The following GPC5 variants were observed in gnomAD, a reference collection of about 807,000 sequenced individuals.
GPC5 encodes the protein glypican 5.
Under a neutral mutation model 53.9 loss-of-function variants are expected in GPC5, and 47 were observed. The observed-to-expected ratio is 0.87, with a 90% CI of 0.69 to 1.11. GPC5 has a LOEUF of 1.11. Ranked by LOEUF, GPC5 falls within the 50% of genes most tolerant of loss-of-function variation. GPC5 has a pLI of 0.00. For missense variants in GPC5, 748 were observed against 713.1 expected, an observed-to-expected ratio of 1.05 and a Z score of -0.56; for synonymous variants, 286 against 263.3, an observed-to-expected ratio of 1.09 and a Z score of -0.84.
intron 7 of GPC5, among the ~76,000 whole-genome samples, chr13:92,813,662 A>T (rs1327263708): frequency 6.6e-6 from 1 of 152,048 alleles, no homozygotes; most frequent in Admixed American, 6.6e-5. Flanking sequence ...TTTCAATGTT[A>T]TATAAACAGT....
intron 7 of GPC5, among the ~76,000 whole-genome samples, chr13:92,415,169 GACA>G (rs1309645210): frequency 6.6e-6 from 1 of 152,140 alleles, no homozygotes; most frequent in South Asian, 2.1e-4. Context: ...TATGCTCTTT[GACA>G]ACATGTTCAT....
intron 7 of GPC5, among the ~76,000 whole-genome samples, chr13:92,356,173 TTTA>T (rs1407382674): frequency 6.6e-6 from 1 of 152,164 alleles, no homozygotes; most frequent in Non-Finnish European, 1.5e-5. Context: ...TGTTTGTTTA[TTTA>T]TTTCACAAAT....
chr13:92,124,133 T>TA (rs2041673879), intron 6 of GPC5, among the ~76,000 whole-genome samples: 2 of 149,232 alleles, frequency 1.3e-5, no homozygotes, highest in Admixed American at 6.6e-5. Context: ...TGCTTTTCTT[T>TA]TAAAAAAAAA....
chr13:92,230,997 G>A (rs1050428199), intron 7 of GPC5, among the ~76,000 whole-genome samples: 1 of 152,154 alleles, frequency 6.6e-6, no homozygotes, highest in Non-Finnish European at 1.5e-5. Flanking sequence ...TGTCATGGAA[G>A]AGCAAAGCGC....
chr13:91,772,846 A>T (rs2037648828), intron 5 of GPC5, among the ~76,000 whole-genome samples: 1 of 152,134 alleles, frequency 6.6e-6, no homozygotes, highest in Non-Finnish European at 1.5e-5. Flanking sequence ...TGTTTTAAGG[A>T]GCTCTCCAGA....
intron 5 of GPC5, among the ~76,000 whole-genome samples, chr13:91,840,728 A>G (rs1594609495): frequency 6.6e-6 from 1 of 151,408 alleles, no homozygotes; most frequent in Non-Finnish European, 1.5e-5. Context: ...GCACACAATG[A>G]CATAAGTTCC....
intron 7 of GPC5, among the ~76,000 whole-genome samples, chr13:92,425,199 C>G (rs1260997050): frequency 6.6e-6 from 1 of 151,816 alleles, no homozygotes. Flanking sequence ...TGTAAAAGAC[C>G]TTTATTTATA....
intron 7 of GPC5, among the ~76,000 whole-genome samples, chr13:92,567,187 C>T (rs1265500209): frequency 1.3e-5 from 2 of 152,044 alleles, no homozygotes; most frequent in Non-Finnish European, 2.9e-5. Context: ...TTCCCGAGGC[C>T]AAAATTTCCC....
At chr13:92,576,308 A>T (rs68108040) in intron 7 of GPC5, among the ~76,000 whole-genome samples, 14,258 of 152,216 alleles carry the variant, frequency 0.094, 866 homozygotes, top group African/African-American at 0.17. Context: ...GGAAGAGGGC[A>T]TTTGAAGGCA....
chr13:92,851,262 CG>C (rs1189547814), intron 7 of GPC5, among the ~76,000 whole-genome samples: 1 of 152,090 alleles, frequency 6.6e-6, no homozygotes, highest in African/African-American at 2.4e-5. Context: ...GAGATTTGGA[CG>C]GGGACACAGA....
Position 92,100,024 on chromosome 13 carries a change from T to C in GPC5, c.1402-44806T>C, listed in dbSNP as rs764450812. Among the ~76,000 whole-genome samples, 46 of 152,146 alleles carry C rather than the reference T, an allele frequency of 3.0e-4. 1 individual carries two copies. The highest frequency in any genetic ancestry group is 1.2e-4 in the Non-Finnish European group (8 of 68,042). On this transcript the variant is annotated intron_variant, in intron 6 of 7. Transcript: ENST00000377067. ...TGAAATGCCTATGGAGAGAACCATG[T>C]GGCAAGGAACTCTGGCATCCTCTAT...
At chr13:92,176,874 C>G (rs1306951619) in intron 7 of GPC5, among the ~76,000 whole-genome samples, 1 of 152,160 alleles carries the variant, frequency 6.6e-6, no homozygotes, top group Non-Finnish European at 1.5e-5. Flanking sequence ...CTGGATAATT[C>G]AATTCTCCAT....
intron 2 of GPC5, among the ~76,000 whole-genome samples, chr13:91,524,139 A>G (rs1008342906): frequency 6.6e-6 from 1 of 152,132 alleles, no homozygotes; most frequent in Non-Finnish European, 1.5e-5. Flanking sequence ...AAGGTCCTTT[A>G]AAATGTACAT....
intron 5 of GPC5, among the ~76,000 whole-genome samples, chr13:91,899,157 T>C (rs2039472256): frequency 2.0e-5 from 3 of 152,190 alleles, no homozygotes; most frequent in African/African-American, 7.2e-5. Context: ...GAGCAGGTGG[T>C]TGGGCTTCTG....
chr13:91,838,323 A>G (rs1039178922), intron 5 of GPC5, among the ~76,000 whole-genome samples: 10 of 152,062 alleles, frequency 6.6e-5, no homozygotes, highest in African/African-American at 2.2e-4. Context: ...TTAGCTCAAT[A>G]GGTGCTTCAG....
chr13:91,989,794 C>T lies in GPC5; in HGVS notation c.1401+81737C>T, dbSNP rs147852572. On this transcript the variant is annotated intron_variant, in intron 6 of 7. Coordinates refer to ENST00000377067, the MANE Select transcript of GPC5 (RefSeq NM_004466.6). ...CACAATAATTACTATGAATGCTACA[C>T]AAATATTATTGGTGTACTTTATTAA... 2.1e-3 allele frequency among the ~76,000 whole-genome samples: 326 copies of T among 152,098 alleles called. 2 individuals are homozygous for T. Among genetic ancestry groups the T allele is most frequent in the South Asian group, 0.012 (60 of 4,826 alleles).
chr13:92,401,859 C>G (rs1875572598), intron 7 of GPC5, among the ~76,000 whole-genome samples: 1 of 152,038 alleles, frequency 6.6e-6, no homozygotes, highest in Non-Finnish European at 1.5e-5. Context: ...CTCCAATGCT[C>G]GGTTGCATAC....
At chr13:92,521,070 G>A (rs1227016399) in intron 7 of GPC5, among the ~76,000 whole-genome samples, 3 of 152,106 alleles carry the variant, frequency 2.0e-5, no homozygotes, top group Admixed American at 1.3e-4. Flanking sequence ...AACTTACAAG[G>A]GATGTGAAGG....
intron 7 of GPC5, among the ~76,000 whole-genome samples, chr13:92,777,724 A>G (rs1425006366): frequency 4.6e-5 from 7 of 152,198 alleles, no homozygotes; most frequent in Non-Finnish European, 8.8e-5. Context: ...TTGTTCCCTG[A>G]TGCCCTGGGC....
Sources: allele counts gnomAD v4.1 joint callset (sites outside exome capture counted in the v4.1 genomes callset), GRCh38; gene constraint gnomAD v4.1.1; transcripts MANE v1.5; gene names NCBI Gene and HGNC (gene_info 2026-07-23, HGNC 2026-07-21).